HVCN1: variants seen among roughly 807,000 people sequenced by gnomAD.
HVCN1 encodes the protein voltage-gated hydrogen channel 1.
A neutral mutation model predicts 29.2 loss-of-function variants in HVCN1; 14 were observed. The ratio of observed to expected loss-of-function variants is 0.48; its 90% CI spans 0.32 to 0.75. HVCN1 has a LOEUF of 0.75. HVCN1 is among the 30% of genes least tolerant of loss of function. HVCN1 has a pLI of 0.04. For missense variants in HVCN1, 263 were observed against 341.8 expected, an observed-to-expected ratio of 0.77 and a Z score of 1.82; for synonymous variants, 131 against 133.2, an observed-to-expected ratio of 0.98 and a Z score of 0.11.
intron 2 of HVCN1, among the ~76,000 whole-genome samples, chr12:110,696,055 C>A (rs540315937): frequency 1.3e-5 from 2 of 151,106 alleles, no homozygotes; most frequent in East Asian, 1.9e-4. Context: ...CAGGTTCAAG[C>A]GATTCTCCTG....
At chr12:110,671,557 C>A (rs961454943) in intron 3 of HVCN1, among the ~76,000 whole-genome samples, 1 of 152,148 alleles carries the variant, frequency 6.6e-6, no homozygotes, top group Non-Finnish European at 1.5e-5. Flanking sequence ...TGAAGCCCCC[C>A]AGTTTGTAGT....
At chr12:110,668,966 C>T (rs1029110567) in intron 3 of HVCN1, among the ~76,000 whole-genome samples, 1 of 151,926 alleles carries the variant, frequency 6.6e-6, no homozygotes, top group East Asian at 1.9e-4. Context: ...TCCTGGAGAC[C>T]TCAGCCTTGA....
At chr12:110,650,695 G>GTTT (rs63680261) in intron 6 of HVCN1, among the ~76,000 whole-genome samples, 3 of 129,514 alleles carry the variant, frequency 2.3e-5, no homozygotes, top group Non-Finnish European at 1.6e-5. Context: ...CAAGAGTCCA[G>GTTT]TTTTTTTTTT....
chr12:110,672,829 G>A (rs753461243), intron 3 of HVCN1, among the ~76,000 whole-genome samples: 17 of 152,226 alleles, frequency 1.1e-4, no homozygotes, highest in South Asian at 2.1e-4. Context: ...TCTTGCTGCC[G>A]CCACATAAGA....
rs747218361 is a variant in HVCN1, at chr12:110,661,240, G to A, written c.230C>T (p.Ala77Val). 2 of 1,614,018 alleles carry A rather than the reference G, an allele frequency of 1.2e-6. No homozygotes were observed. Among genetic ancestry groups the A allele is most frequent in the Admixed American group, 1.7e-5 (1 of 60,028 alleles). The change falls in exon 4 of 8, where the codon GCC (alanine) becomes GTC (valine). Residue 77 changes from alanine (A) to valine (V), a missense_variant. Ala to Val is a moderately conservative substitution (Grantham distance 64, BLOSUM62 0). Around this residue, in one of 3 missense-constraint regions of HVCN1, gnomAD observed 157 missense variants for 181.3 expected, o/e 0.87. Transcript: ENST00000242607. The surrounding 1 kb of genome is among the most constrained non-coding windows in gnomAD (Gnocchi z 6.2). ...GRAAAPDVAP[A>V]PGPAPRAPLD... ...GGGGGCCCTGGGTGCGGGGCCAGGG[G>A]CAGGGGCAACGTCAGGGGCTGCAGC...
chr12:110,678,604 C>G (rs1003498412), intron 3 of HVCN1, among the ~76,000 whole-genome samples: 4 of 151,802 alleles, frequency 2.6e-5, no homozygotes, highest in Non-Finnish European at 5.9e-5. Flanking sequence ...GTATGCACCA[C>G]CACGCCTGGC....
chr12:110,687,660 G>C (rs567671572), intron 2 of HVCN1, among the ~76,000 whole-genome samples: 13 of 152,264 alleles, frequency 8.5e-5, no homozygotes, highest in South Asian at 2.1e-4. Context: ...GTGGAAGTAG[G>C]GGGTGGAGGG....
chr12:110,673,598 A>C (rs1244960772), intron 3 of HVCN1, among the ~76,000 whole-genome samples: 1 of 152,164 alleles, frequency 6.6e-6, no homozygotes. Context: ...CCAGAGGCCC[A>C]GGAGGAAAAA....
intron 2 of HVCN1, among the ~76,000 whole-genome samples, chr12:110,698,613 G>T (rs1283273603): frequency 1.3e-5 from 2 of 152,170 alleles, no homozygotes; most frequent in Non-Finnish European, 2.9e-5. Flanking sequence ...TGCAGCAGAG[G>T]TCATGTGATC....
rs1246233816 is a variant in HVCN1, at chr12:110,676,607, G to C, written c.21+6618C>G. ...TGCCCAGCTCCAATGAAAACTCTGG[G>C]CATTGGGTCTCTAAGGAACTGCTCT... On this transcript the variant is annotated intron_variant, in intron 3 of 7. Transcript: ENST00000242607. The surrounding 1 kb of genome is among the most constrained non-coding windows in gnomAD (Gnocchi z 4.1). Among the ~76,000 whole-genome samples the C allele has an allele frequency of 6.6e-6, 1 of 152,108 alleles. No homozygotes were observed. The highest frequency in any genetic ancestry group is 1.9e-4 in the East Asian group (1 of 5,190).
At chr12:110,668,279 A>G (rs2068440527) in intron 3 of HVCN1, among the ~76,000 whole-genome samples, 1 of 152,200 alleles carries the variant, frequency 6.6e-6, no homozygotes, top group South Asian at 2.1e-4. Context: ...AGATGGGCAG[A>G]TCACTTCAGG....
At chr12:110,679,505 T>C (rs1362433078) in intron 3 of HVCN1, among the ~76,000 whole-genome samples, 4 of 152,194 alleles carry the variant, frequency 2.6e-5, no homozygotes, top group Non-Finnish European at 4.4e-5. Flanking sequence ...CACGCAATCT[T>C]GTTTAACCCT....
chr12:110,683,169 T>G (rs574348478), intron 3 of HVCN1, 56 bp downstream of exon 3: 10 of 1,612,674 alleles, frequency 6.2e-6, no homozygotes, highest in Non-Finnish European at 8.5e-6. Flanking sequence ...CCAAACAGAA[T>G]TATCCTCTCA....
At chr12:110,680,100 T>G (rs2068905167) in intron 3 of HVCN1, among the ~76,000 whole-genome samples, 1 of 152,102 alleles carries the variant, frequency 6.6e-6, no homozygotes, top group African/African-American at 2.4e-5. Context: ...AAAACACAAT[T>G]AATTCCATAA....
chr12:110,656,771 A>G (rs2068005808), intron 4 of HVCN1, among the ~76,000 whole-genome samples: 1 of 152,234 alleles, frequency 6.6e-6, no homozygotes, highest in East Asian at 1.9e-4. Flanking sequence ...TAATTAAAGT[A>G]TTATGATGTG....
At chr12:110,703,229 A>AATT (rs2069579486) in intron 1 of HVCN1, among the ~76,000 whole-genome samples, 1 of 142,122 alleles carries the variant, frequency 7.0e-6, no homozygotes, top group African/African-American at 2.8e-5. Flanking sequence ...AAAAAAAAAA[A>AATT]ATTAAAAATT....
chr12:110,654,469 T>TA (rs1254193215), intron 5 of HVCN1, among the ~76,000 whole-genome samples: 55 of 142,398 alleles, frequency 3.9e-4, no homozygotes, highest in African/African-American at 1.4e-3. Flanking sequence ...GGGGGGGAAA[T>TA]GCTTTTTTTT....
chr12:110,673,001 A>C (rs2068635310), intron 3 of HVCN1, among the ~76,000 whole-genome samples: 1 of 152,200 alleles, frequency 6.6e-6, no homozygotes, highest in African/African-American at 2.4e-5. Flanking sequence ...ATTGCTGAAA[A>C]GATACCTGAA....
At chr12:110,675,367 G>C (rs1453111020) in intron 3 of HVCN1, among the ~76,000 whole-genome samples, 1 of 152,210 alleles carries the variant, frequency 6.6e-6, no homozygotes, top group Non-Finnish European at 1.5e-5. Context: ...GCTGAGGCAG[G>C]GGAATTGCTT....
Sources: allele counts gnomAD v4.1 joint callset (sites outside exome capture counted in the v4.1 genomes callset), GRCh38; gene constraint gnomAD v4.1.1; regional missense constraint gnomAD v4.1.1; non-coding constraint Gnocchi (gnomAD v3.1); transcripts MANE v1.5; gene names NCBI Gene and HGNC (gene_info 2026-07-23, HGNC 2026-07-21).